ZGRF1: variants seen among roughly 807,000 people sequenced by gnomAD.
The protein encoded by ZGRF1 is 5'-3' DNA helicase ZGRF1.
A neutral mutation model predicts 203.5 loss-of-function variants in ZGRF1; 196 were observed. The ratio of observed to expected loss-of-function variants is 0.96; its 90% confidence interval spans 0.86 to 1.08. The LOEUF (loss-of-function observed/expected upper bound fraction) is 1.08, where lower values mean the gene tolerates loss of function less well. Ranked by LOEUF, ZGRF1 falls within the 50% of genes least tolerant of loss-of-function variation. The pLI is 0.00. For synonymous variants in ZGRF1, 809 were observed against 841.3 expected (o/e 0.96, Z 0.66); for missense variants, 2,326 against 2,416.3 (o/e 0.96, Z 0.78).
rs1747536387 is a variant in ZGRF1, at chr4:112,588,068, AAAAAAT to A, written c.3128-145_3128-140del. The A allele has an allele frequency of 7.3e-6, 4 of 549,122 alleles. No individual in the cohort carries two copies. The East Asian group carries it at 1.2e-4, about 16-fold the overall frequency. 34.0% of individuals were successfully genotyped at this position (549,122 alleles called of 1,614,324 possible). ...AATCACATTATTTTATTTCCTTAAAAAAAAATTAATGGTTTTAACCTCAAAAAATAA... is the reference window on the plus strand; with the variant it reads ...AATCACATTATTTTATTTCCTTAAAATAATGGTTTTAACCTCAAAAAATAA... On this transcript the variant is annotated intron_variant, in intron 11 of 27. Coordinates refer to ENST00000505019, the MANE Select transcript of ZGRF1 (RefSeq NM_018392.5).
intron 24 of ZGRF1, among the ~76,000 whole-genome samples, chr4:112,545,728 T>G (rs956707900): frequency 6.6e-6 from 1 of 152,176 alleles, no homozygotes; most frequent in Non-Finnish European, 1.5e-5. Context: ...ACAACCCAAC[T>G]ATCTATCAAC....
chr4:112,596,813 G>A (rs1305551740), intron 10 of ZGRF1, among the ~76,000 whole-genome samples: 5 of 152,028 alleles, frequency 3.3e-5, no homozygotes, highest in African/African-American at 9.7e-5. Flanking sequence ...GGATGGTCTC[G>A]AACTCCTGAG....
chr4:112,567,271 TG>T (rs2148922188), intron 16 of ZGRF1, among the ~76,000 whole-genome samples: 1 of 151,646 alleles, frequency 6.6e-6, no homozygotes, highest in African/African-American at 2.4e-5. Context: ...CAACATATAC[TG>T]CCAGAAAGAA....
intron 1 of ZGRF1, among the ~76,000 whole-genome samples, chr4:112,634,606 A>T (rs1287110192): frequency 6.6e-6 from 1 of 151,872 alleles, no homozygotes; most frequent in African/African-American, 2.4e-5. Context: ...AGCCGAGATC[A>T]CGCCACTGCA....
chr4:112,549,919 G>A (rs1431673168), intron 22 of ZGRF1, among the ~76,000 whole-genome samples: 2 of 152,124 alleles, frequency 1.3e-5, no homozygotes, highest in African/African-American at 2.4e-5. Flanking sequence ...AAGGCTGGGC[G>A]CAGTGGCTCA....
Position 112,539,862 on chromosome 4 carries a change from C to T in ZGRF1, c.6172+1G>A, listed in dbSNP as rs142786578. 1.5e-4 allele frequency: 239 copies of T among 1,613,298 alleles called. 1 individual carries two copies. Among genetic ancestry groups the T allele is most frequent in the Admixed American group, 4.7e-4 (28 of 59,956 alleles). ...ATGAATTAAACCCATTTTTATTTTA[C>T]CTTCGCAGTGTTGGATCACTCGTCC... is the stretch of plus-strand genomic sequence containing the variant. On this transcript the variant is annotated splice_donor_variant, in intron 27 of 27. Coordinates refer to ENST00000505019, the MANE Select transcript of ZGRF1 (RefSeq NM_018392.5). LOFTEE classifies it high-confidence loss of function.
In ZGRF1 at chr4:112,617,768, G is replaced by T. The variant is rs370625257; in HGVS notation, c.2274C>A (p.Thr758=). The change falls in exon 6 of 28, where the codon ACC becomes ACA. Residue 758 remains threonine, a synonymous_variant. Transcript: ENST00000505019. ...GGTAAAACAAAGAATTGGAAATGTGGGTATTTGATTTATCAAGTGCAATAC... is the reference window on the plus strand; with the variant it reads ...GGTAAAACAAAGAATTGGAAATGTGTGTATTTGATTTATCAAGTGCAATAC... ...YECIALDKSN[T]HISNSLFYPL... 1.2e-6 allele frequency: 2 copies of T among 1,613,804 alleles called. No homozygotes were observed. Among genetic ancestry groups the T allele is most frequent in the Non-Finnish European group, 1.7e-6 (2 of 1,179,916 alleles).
intron 1 of ZGRF1, among the ~76,000 whole-genome samples, chr4:112,635,599 AATT>A (rs1472459994): frequency 1.3e-5 from 2 of 148,742 alleles, no homozygotes; most frequent in East Asian, 1.9e-4. Flanking sequence ...TATACATTAT[AATT>A]ATTATGTAAT....
At chr4:112,605,842 G>A (rs1750692219) in intron 9 of ZGRF1, 166 bp downstream of exon 9, 2 of 586,462 alleles carry the variant, frequency 3.4e-6, no homozygotes, top group Non-Finnish European at 6.0e-6. Context: ...AAAAAGGGGG[G>A]CAGGAGTCAT....
At chr4:112,594,196 A>G in intron 10 of ZGRF1, among the ~76,000 whole-genome samples, 1 of 152,160 alleles carries the variant, frequency 6.6e-6, no homozygotes, top group Middle Eastern at 3.2e-3. Flanking sequence ...CTTTAAGGTC[A>G]TATCTGGTTT....
At chr4:112,564,574 C>G (rs1343517978) in intron 16 of ZGRF1, among the ~76,000 whole-genome samples, 1 of 151,948 alleles carries the variant, frequency 6.6e-6, no homozygotes, top group Non-Finnish European at 1.5e-5. Context: ...ACAACGGTAA[C>G]CTATAAGGAA....
intron 12 of ZGRF1, 108 bp from the exon 13 acceptor site, chr4:112,586,691 G>T: frequency 1.2e-6 from 1 of 843,302 alleles, no homozygotes; most frequent in East Asian, 3.1e-5. Context: ...TTTTTCTTTT[G>T]ATTTCTAGGA....
At position 112,624,130 on chromosome 4, in the gene ZGRF1, C is replaced by T. The variant is rs2047151988; in HGVS notation, c.103-254G>A. On this transcript the variant is annotated intron_variant, in intron 3 of 27. Coordinates refer to ENST00000505019, the MANE Select transcript of ZGRF1 (RefSeq NM_018392.5). ...CCTTCCACGCTGTGGAAGCTTTGTT[C>T]TTTCGCTCTTCGCAATAAATCTTGC... Among the ~76,000 whole-genome samples the T allele has an allele frequency of 2.1e-5, 3 of 143,074 alleles. No individual in the cohort carries two copies. The Admixed American group carries it at 2.2e-4, about 11-fold the overall frequency. 93.9% of individuals were successfully genotyped at this position (143,074 alleles called of 152,430 possible). A position where few individuals can be genotyped will look rare whatever the true frequency, so the allele number is the denominator to read the frequency against.
At chr4:112,609,523 G>C in intron 7 of ZGRF1, 94 bp from the exon 8 acceptor site, 1 of 510,912 alleles carries the variant, frequency 2.0e-6, no homozygotes, top group Non-Finnish European at 3.5e-6. Flanking sequence ...AGAAATACTA[G>C]GGCTGGGCAT....
At chr4:112,614,721 G>A (rs1030644935) in intron 6 of ZGRF1, among the ~76,000 whole-genome samples, 14 of 152,148 alleles carry the variant, frequency 9.2e-5, no homozygotes, top group African/African-American at 3.4e-4. Context: ...CAGCTATTTG[G>A]GAGGCTGAAG....
At chr4:112,610,378 C>T (rs1296058666) in intron 7 of ZGRF1, among the ~76,000 whole-genome samples, 5 of 151,994 alleles carry the variant, frequency 3.3e-5, no homozygotes, top group African/African-American at 1.2e-4. Context: ...CGAGACCAGC[C>T]TGGCAAACAT....
In ZGRF1 at chr4:112,597,212, T is replaced by TAA. The variant is rs1273783172; in HGVS notation, c.2976+6310_2976+6311dup. 1.3e-3 allele frequency among the ~76,000 whole-genome samples: 137 copies of TAA among 105,328 alleles called. 2 individuals are homozygous for TAA. The Middle Eastern group carries it at 0.019, about 15-fold the overall frequency. 69.1% of individuals were successfully genotyped at this position (105,328 alleles called of 152,430 possible). A position where few individuals can be genotyped will look rare whatever the true frequency, so the allele number is the denominator to read the frequency against. On this transcript the variant is annotated intron_variant, in intron 10 of 27. Coordinates refer to ENST00000505019, the MANE Select transcript of ZGRF1 (RefSeq NM_018392.5). ...CTGGGTGACAGAGCCAAACTCCATC[T>TAA]AAAAAAAAAAAAAAAAAAAATTCTA...
chr4:112,553,956 C>A lies in ZGRF1; in HGVS notation c.5225G>T (p.Ser1742Ile). 6.2e-7 allele frequency: 1 copy of A among 1,608,624 alleles called. No individual in the cohort carries two copies. The highest frequency in any genetic ancestry group is 1.1e-5 in the South Asian group (1 of 89,250). ...YSLHAGSENE[S>I]EQLKELHALM... ...TGCATGTAGTTCTTTTAACTGTTCACTTTCATTTTCTGAGCCAGCATGCAA... is the reference window on the plus strand; with the variant it reads ...TGCATGTAGTTCTTTTAACTGTTCAATTTCATTTTCTGAGCCAGCATGCAA... The change falls in exon 22 of 28, where the codon AGT (serine) becomes ATT (isoleucine). Residue 1742 changes from serine (S) to isoleucine (I), a missense_variant. Physicochemically the swap from Ser to Ile is moderately radical, Grantham distance 142 (BLOSUM62 -2). Coordinates refer to ENST00000505019, the MANE Select transcript of ZGRF1 (RefSeq NM_018392.5).
rs533753791 is a variant in ZGRF1, at chr4:112,590,723, C to T, written c.2977-849G>A. ...GGTGGATCACCTGAGGTCAGGAGTT[C>T]GAGACCAGGATGGGCAACACAGTGA... is the stretch of plus-strand genomic sequence containing the variant. On this transcript the variant is annotated intron_variant, in intron 10 of 27. Coordinates refer to ENST00000505019, the MANE Select transcript of ZGRF1 (RefSeq NM_018392.5). Among the ~76,000 whole-genome samples, 7 of 151,802 alleles carry T rather than the reference C, an allele frequency of 4.6e-5. No homozygotes were observed. The South Asian group carries it at 6.3e-4, about 14-fold the overall frequency.
Sources: gnomAD v4.1 joint callset for allele counts (sites outside exome capture counted in the v4.1 genomes callset) on GRCh38, gnomAD v4.1.1 for gene constraint, MANE v1.5 for transcripts, NCBI Gene and HGNC (gene_info 2026-07-23, HGNC 2026-07-21) for gene names.